Variants in PLPP1 observed in about 807,000 individuals in gnomAD.
PLPP1 encodes the protein lipid phosphate phosphohydrolase 1a.
PLPP1 carries 24 observed loss-of-function variants against 31.2 expected under a neutral mutation model. The observed-to-expected ratio is 0.77, with a 90% CI of 0.56 to 1.08. The LOEUF (loss-of-function observed/expected upper bound fraction) is 1.08. PLPP1 is among the 50% of genes least tolerant of loss of function. The pLI is 0.00. For synonymous variants in PLPP1, 146 were observed against 126.3 expected, an observed-to-expected ratio of 1.16 and a Z score of -1.05; for missense variants, 319 against 342.7, an observed-to-expected ratio of 0.93 and a Z score of 0.55.
At chr5:55,473,949 G>A (rs369978279) in intron 2 of PLPP1, among the ~76,000 whole-genome samples, 8 of 150,152 alleles carry the variant, frequency 5.3e-5, no homozygotes, top group Non-Finnish European at 4.4e-5. Context: ...GATTACAGGC[G>A]TGAGCCACCA....
chr5:55,465,581 A>C (rs1752272630), intron 3 of PLPP1, among the ~76,000 whole-genome samples: 1 of 152,236 alleles, frequency 6.6e-6, no homozygotes, highest in Non-Finnish European at 1.5e-5. Flanking sequence ...TAATGTTTTA[A>C]GAAAGTTTAC....
At chr5:55,444,904 C>A (rs949041350) in intron 3 of PLPP1, among the ~76,000 whole-genome samples, 1 of 152,036 alleles carries the variant, frequency 6.6e-6, no homozygotes, top group Non-Finnish European at 1.5e-5. Context: ...TGCGCACCAC[C>A]ACGCCCAGCT....
At chr5:55,518,138 A>G (rs969751252) in intron 1 of PLPP1, among the ~76,000 whole-genome samples, 5 of 151,988 alleles carry the variant, frequency 3.3e-5, no homozygotes, top group African/African-American at 9.7e-5. Flanking sequence ...CAGCCCTAAG[A>G]CTGCATTATA....
intron 1 of PLPP1, among the ~76,000 whole-genome samples, chr5:55,526,658 C>G (rs943910196): frequency 6.6e-6 from 1 of 152,106 alleles, no homozygotes; most frequent in Non-Finnish European, 1.5e-5. Context: ...AGAGGCCAGG[C>G]ACGGTGGCTC....
At chr5:55,532,558 A>G (rs892764113) in intron 1 of PLPP1, among the ~76,000 whole-genome samples, 8 of 152,210 alleles carry the variant, frequency 5.3e-5, no homozygotes, top group African/African-American at 1.7e-4. Context: ...GTTAAAATAT[A>G]TTTTTTAATG....
chr5:55,449,584 C>G (rs548134035), intron 3 of PLPP1, among the ~76,000 whole-genome samples: 4 of 152,148 alleles, frequency 2.6e-5, no homozygotes, highest in Non-Finnish European at 5.9e-5. Flanking sequence ...GCCCTGTTCT[C>G]ACATCTTGCA....
intron 1 of PLPP1, among the ~76,000 whole-genome samples, chr5:55,479,985 AC>A: frequency 6.6e-6 from 1 of 152,308 alleles, no homozygotes; most frequent in Admixed American, 6.5e-5. Context: ...TCCTTGATAA[AC>A]TATTCCAAAA....
chr5:55,474,687 A>G (rs1752497841), intron 2 of PLPP1, among the ~76,000 whole-genome samples: 1 of 152,198 alleles, frequency 6.6e-6, no homozygotes, highest in Non-Finnish European at 1.5e-5. Flanking sequence ...TCACTTAGCA[A>G]AATTTTTCTT....
chr5:55,512,901 A>G (rs145334294), intron 1 of PLPP1, among the ~76,000 whole-genome samples: 1 of 152,340 alleles, frequency 6.6e-6, no homozygotes, highest in African/African-American at 2.4e-5. Context: ...TCAAAAACCA[A>G]TAAATTTCAG....
chr5:55,443,342 A>G (rs1423482607), intron 3 of PLPP1, among the ~76,000 whole-genome samples: 1 of 151,536 alleles, frequency 6.6e-6, no homozygotes, highest in Admixed American at 6.6e-5. Context: ...ATGTAATTAA[A>G]CCCAATAATT....
chr5:55,481,071 T>G (rs2111826112), intron 1 of PLPP1, among the ~76,000 whole-genome samples: 1 of 152,258 alleles, frequency 6.6e-6, no homozygotes, highest in East Asian at 1.9e-4. Flanking sequence ...ACAAACCAAA[T>G]ACCACAAGAA....
intron 2 of PLPP1, among the ~76,000 whole-genome samples, chr5:55,471,203 T>C (rs1225644277): frequency 2.0e-5 from 2 of 101,096 alleles, no homozygotes; most frequent in Non-Finnish European, 1.9e-5. Context: ...TCAGATCAGA[T>C]TTTTTTTTTT....
chr5:55,476,245 G>C (rs975757485), intron 1 of PLPP1, among the ~76,000 whole-genome samples: 2 of 151,710 alleles, frequency 1.3e-5, no homozygotes, highest in African/African-American at 4.8e-5. Flanking sequence ...TTGAACTCCT[G>C]AGCTCAACTG....
At chr5:55,469,256 G>A (rs1752369172) in intron 2 of PLPP1, among the ~76,000 whole-genome samples, 1 of 152,054 alleles carries the variant, frequency 6.6e-6, no homozygotes, top group South Asian at 2.1e-4. Flanking sequence ...GGGAGGCCGA[G>A]GCAGGTGAAT....
chr5:55,454,146 G>C (rs1277216057), intron 3 of PLPP1, among the ~76,000 whole-genome samples: 1 of 151,938 alleles, frequency 6.6e-6, no homozygotes, highest in East Asian at 1.9e-4. Flanking sequence ...ATCTTCACAT[G>C]CAAAAGTTTA....
intron 3 of PLPP1, among the ~76,000 whole-genome samples, chr5:55,459,036 T>C (rs1003897054): frequency 6.6e-6 from 1 of 151,740 alleles, no homozygotes; most frequent in Admixed American, 6.6e-5. Context: ...CTATATATTG[T>C]CTCTAAAAGA....
At chr5:55,496,178 T>G (rs1753000392) in intron 1 of PLPP1, among the ~76,000 whole-genome samples, 1 of 151,894 alleles carries the variant, frequency 6.6e-6, no homozygotes, top group African/African-American at 2.4e-5. Flanking sequence ...TTAATGTTAA[T>G]TTTTTAGAGT....
intron 1 of PLPP1, among the ~76,000 whole-genome samples, chr5:55,493,918 C>A (rs1752950217): frequency 6.6e-6 from 1 of 151,310 alleles, no homozygotes; most frequent in Non-Finnish European, 1.5e-5. Context: ...TAGTGGCACA[C>A]ACCTATAGTC....
intron 1 of PLPP1, chr5:55,530,103 C>T: frequency 1.1e-6 from 1 of 870,020 alleles, no homozygotes; most frequent in Admixed American, 1.7e-5. Context: ...CATGTAGTTT[C>T]CCCCTTAAAG....
Sources: gnomAD v4.1 joint callset for allele counts (sites outside exome capture counted in the v4.1 genomes callset) on GRCh38, gnomAD v4.1.1 for gene constraint, MANE v1.5 for transcripts, NCBI Gene and HGNC (gene_info 2026-07-23, HGNC 2026-07-21) for gene names.